Variants in ASTN2 observed in about 807,000 individuals in gnomAD.
The protein encoded by ASTN2 is astrotactin 2.
Under a neutral mutation model 139.8 loss-of-function variants are expected in ASTN2, and 54 were observed. The observed-to-expected ratio is 0.39, with a 90% CI of 0.31 to 0.48. The LOEUF (loss-of-function observed/expected upper bound fraction) is 0.48, where lower values mean the gene tolerates loss of function less well. ASTN2 is among the 20% of genes least tolerant of loss of function. The pLI, the probability that ASTN2 is intolerant of heterozygous loss-of-function variation, is 0.95. For missense variants in ASTN2, 1,565 were observed against 1,725.1 expected, an observed-to-expected ratio of 0.91 and a Z score of 1.64; for synonymous variants, 756 against 719.5, an observed-to-expected ratio of 1.05 and a Z score of -0.81.
chr9:116,788,439 AT>A (rs1455068900), intron 13 of ASTN2, among the ~76,000 whole-genome samples: 1 of 152,198 alleles, frequency 6.6e-6, no homozygotes, highest in Non-Finnish European at 1.5e-5. Context: ...TCATAAATAT[AT>A]AGAAGTAGTA....
chr9:117,370,954 C>T (rs1391766473), intron 1 of ASTN2, among the ~76,000 whole-genome samples: 1 of 152,174 alleles, frequency 6.6e-6, no homozygotes, highest in Non-Finnish European at 1.5e-5. Flanking sequence ...GATGTCCCTA[C>T]ATTATTAAAT....
At chr9:116,691,721 A>C (rs1411750164) in intron 16 of ASTN2, among the ~76,000 whole-genome samples, 1 of 152,142 alleles carries the variant, frequency 6.6e-6, no homozygotes, top group Non-Finnish European at 1.5e-5. Context: ...CCTCTCCCAC[A>C]CACAGGAGTG....
At chr9:117,265,310 A>T (rs1282620236) in intron 2 of ASTN2, among the ~76,000 whole-genome samples, 1 of 152,154 alleles carries the variant, frequency 6.6e-6, no homozygotes, top group African/African-American at 2.4e-5. Flanking sequence ...AGAACAACAG[A>T]AATGCCTCGG....
At chr9:117,268,511 A>C (rs1833987379) in intron 2 of ASTN2, among the ~76,000 whole-genome samples, 2 of 152,228 alleles carry the variant, frequency 1.3e-5, no homozygotes, top group Admixed American at 6.5e-5. Flanking sequence ...CTGTGTTCCC[A>C]CCGTCTAAGG....
intron 11 of ASTN2, among the ~76,000 whole-genome samples, chr9:116,855,695 T>C (rs1331980689): frequency 6.6e-6 from 1 of 152,166 alleles, no homozygotes; most frequent in Non-Finnish European, 1.5e-5. Flanking sequence ...GAATGAGCTT[T>C]GGAGTTTGAC....
intron 10 of ASTN2, among the ~76,000 whole-genome samples, chr9:116,886,062 C>G (rs1420760626): frequency 6.6e-6 from 1 of 152,212 alleles, no homozygotes; most frequent in African/African-American, 2.4e-5. Flanking sequence ...ATCCTCTTGC[C>G]TCTACTTCTT....
At position 116,699,272 on chromosome 9, in the gene ASTN2, A is replaced by C. The variant is rs145728860; in HGVS notation, c.2806+26499T>G. Reference sequence around the variant, plus strand: ...CAGGGGTGGTCAAATACAGCTGCCTATGTAGTGCTGTGCGGCCCAAATTTG... The same window carrying C: ...CAGGGGTGGTCAAATACAGCTGCCTCTGTAGTGCTGTGCGGCCCAAATTTG... On this transcript the variant is annotated intron_variant, in intron 16 of 22. Coordinates refer to ENST00000313400, the MANE Select transcript of ASTN2 (RefSeq NM_001365068.1). This position sits in a 1 kb window ranked among gnomAD's most constrained non-coding sequence, Gnocchi z 4.2. 52 of 1,614,054 alleles carry C rather than the reference A, an allele frequency of 3.2e-5. No individual in the cohort carries two copies. Among genetic ancestry groups the C allele is most frequent in the Non-Finnish European group, 4.4e-5 (52 of 1,180,044 alleles).
chr9:116,706,054 T>C (rs778638553), intron 16 of ASTN2, among the ~76,000 whole-genome samples: 7 of 152,092 alleles, frequency 4.6e-5, no homozygotes, highest in South Asian at 2.1e-4. Flanking sequence ...TTCATACTTA[T>C]AGAGGTGGTA....
chr9:117,144,661 T>G (rs926775430), intron 3 of ASTN2, among the ~76,000 whole-genome samples: 1 of 1,540 alleles, frequency 6.5e-4, no homozygotes, highest in African/African-American at 8.8e-4. Flanking sequence ...TGAACACTAG[T>G]TTTTTTTTTT....
intron 19 of ASTN2, among the ~76,000 whole-genome samples, chr9:116,524,986 G>C (rs1457801263): frequency 1.3e-5 from 2 of 152,188 alleles, no homozygotes; most frequent in Non-Finnish European, 2.9e-5. Context: ...GGCAGAGCTT[G>C]GAATAGTTTG....
intron 19 of ASTN2, among the ~76,000 whole-genome samples, chr9:116,514,846 A>G (rs2119205526): frequency 6.6e-6 from 1 of 152,298 alleles, no homozygotes; most frequent in Non-Finnish European, 1.5e-5. Flanking sequence ...CCATTGGAAA[A>G]GCGCAGTATT....
At chr9:116,762,672 C>A (rs534372657) in intron 13 of ASTN2, among the ~76,000 whole-genome samples, 25 of 152,296 alleles carry the variant, frequency 1.6e-4, no homozygotes, top group Middle Eastern at 6.8e-3. Flanking sequence ...AATTCAGTGT[C>A]CATAAATGAA....
chr9:116,944,681 CAAAAAAAAAAA>C (rs34943919), intron 10 of ASTN2, among the ~76,000 whole-genome samples: 1 of 53,360 alleles, frequency 1.9e-5, no homozygotes, highest in Non-Finnish European at 3.6e-5. Flanking sequence ...GACTCTGTCT[CAAAAAAAAAAA>C]AAAAAAAAAA....
chr9:116,429,990 AGTT>A (rs1168404431), intron 22 of ASTN2, among the ~76,000 whole-genome samples: 1 of 152,184 alleles, frequency 6.6e-6, no homozygotes. Flanking sequence ...ATAAACTACT[AGTT>A]GTTTGAAATA....
At chr9:117,066,016 CTT>C (rs58654004) in intron 5 of ASTN2, among the ~76,000 whole-genome samples, 2,434 of 145,980 alleles carry the variant, frequency 0.017, 44 homozygotes, top group African/African-American at 0.05. Flanking sequence ...CCCATTTTAT[CTT>C]TTTTTTTTTT....
intron 22 of ASTN2, among the ~76,000 whole-genome samples, chr9:116,436,313 T>C (rs1211766761): frequency 1.3e-5 from 2 of 152,138 alleles, no homozygotes; most frequent in African/African-American, 4.8e-5. Context: ...TAAGGGATGC[T>C]TGGGATTGGG....
Position 117,299,140 on chromosome 9 carries a change from G to C in ASTN2, c.443-7627C>G, listed in dbSNP as rs541439919. 2.4e-3 allele frequency among the ~76,000 whole-genome samples: 360 copies of C among 152,264 alleles called. 4 individuals are homozygous for C. The highest frequency in any genetic ancestry group is 8.3e-3 in the African/African-American group (344 of 41,568). On this transcript the variant is annotated intron_variant, in intron 1 of 22. Coordinates refer to ENST00000313400, the MANE Select transcript of ASTN2 (RefSeq NM_001365068.1). ...TTAGACATGAGTATGTGTATAAACA[G>C]CTGGAAAAAAAATACACTGGACCAC...
At chr9:116,809,801 C>T (rs1018808488) in intron 12 of ASTN2, among the ~76,000 whole-genome samples, 11 of 152,190 alleles carry the variant, frequency 7.2e-5, no homozygotes, top group African/African-American at 2.7e-4. Flanking sequence ...ACTGTGTCCT[C>T]TTCCTGGACT....
intron 3 of ASTN2, among the ~76,000 whole-genome samples, chr9:117,151,567 T>TAAG (rs780775194): frequency 6.6e-6 from 1 of 152,280 alleles, no homozygotes. Context: ...CAAAGCATCA[T>TAAG]AATACTGAGA....
Sources: allele counts gnomAD v4.1 joint callset (sites outside exome capture counted in the v4.1 genomes callset), GRCh38; gene constraint gnomAD v4.1.1; non-coding constraint Gnocchi (gnomAD v3.1); transcripts MANE v1.5; gene names NCBI Gene and HGNC (gene_info 2026-07-23, HGNC 2026-07-21).